Variants in DEAF1 observed in about 807,000 individuals in gnomAD.
DEAF1 encodes the protein deformed epidermal autoregulatory factor 1 homolog.
A neutral mutation model predicts 58.9 loss-of-function variants in DEAF1; 53 were observed. That is an observed-to-expected ratio of 0.90 (90% CI 0.72 to 1.13). The LOEUF (loss-of-function observed/expected upper bound fraction) is 1.13. Ranked by LOEUF, DEAF1 falls within the 50% of genes most tolerant of loss-of-function variation. The pLI, the probability that DEAF1 is intolerant of heterozygous loss-of-function variation, is 0.00. For missense variants in DEAF1, 685 were observed against 791.4 expected, an observed-to-expected ratio of 0.87 and a Z score of 1.61; for synonymous variants, 385 against 340.4, an observed-to-expected ratio of 1.13 and a Z score of -1.44.
At chr11:667,335 AGAAG>A (rs1356882476) in intron 10 of DEAF1, among the ~76,000 whole-genome samples, 2 of 135,460 alleles carry the variant, frequency 1.5e-5, no homozygotes, top group South Asian at 2.7e-4. Context: ...GAAAGAAAAA[AGAAG>A]GAAGGAAGGG....
intron 9 of DEAF1, among the ~76,000 whole-genome samples, chr11:675,131 A>T (rs1032487209): frequency 6.6e-6 from 1 of 151,528 alleles, no homozygotes; most frequent in Non-Finnish European, 1.5e-5. Flanking sequence ...CTTGCAGTGA[A>T]CAGAGATGGC....
Position 694,750 on chromosome 11 carries a change from C to T in DEAF1, c.289+9G>A. 12 of 1,292,158 alleles carry T rather than the reference C, an allele frequency of 9.3e-6. No homozygotes were observed. The highest frequency in any genetic ancestry group is 1.2e-5 in the Non-Finnish European group (12 of 1,024,804). 80.0% of individuals were successfully genotyped at this position (1,292,158 alleles called of 1,614,324 possible). On this transcript the variant is annotated intron_variant, in intron 1 of 11. Transcript: ENST00000382409. ...CCGGACGAGGCGAGAGGCCGGCGGG[C>T]GCACTTGCCTGCGAAGGCTGCGGCA...
rs1860621195 is a variant in DEAF1 at position 686,968 on chromosome 11, C to G, written c.694G>C (p.Glu232Gln). The stretch of plus-strand genomic sequence containing the variant: ...AACTCGGTGGGACTGTACCAGTTCT[C>G]CCCCTGCTTGATGCACCGTCCCCGG... ...GGRGRCIKQG[E>Q]NWYSPTEFEA... Residue 232 changes from glutamate to glutamine, a missense_variant, in exon 5 of 12, where the codon GAG (glutamate) becomes CAG (glutamine). By Grantham distance (29) the Glu-to-Gln change is conservative (BLOSUM62 2). This residue lies in a region of DEAF1 where 132 missense variants were observed against 234.3 expected (regional missense o/e 0.56). Transcript: ENST00000382409. The G allele has an allele frequency of 6.2e-7, 1 of 1,614,212 alleles. No individual in the cohort carries two copies. Among genetic ancestry groups the G allele is most frequent in the Non-Finnish European group, 8.5e-7 (1 of 1,180,040 alleles).
intron 10 of DEAF1, among the ~76,000 whole-genome samples, chr11:667,165 G>A (rs1349394220): frequency 1.3e-5 from 2 of 151,964 alleles, no homozygotes; most frequent in African/African-American, 4.8e-5. Flanking sequence ...TGAAACCCCA[G>A]CTAAAAATTG....
chr11:654,688 G>T (rs1858962536), intron 10 of DEAF1: 1 of 451,812 alleles, frequency 2.2e-6, no homozygotes, highest in Non-Finnish European at 4.5e-6. Flanking sequence ...AGGCAACGTT[G>T]CGAAACCCAG....
chr11:654,182 T>A, intron 10 of DEAF1, 131 bp from the exon 11 acceptor site: 1 of 719,592 alleles, frequency 1.4e-6, no homozygotes, highest in Non-Finnish European at 2.3e-6. Context: ...TTTTTTTTTT[T>A]TTTTGAGATG....
In DEAF1 at chr11:681,023, G is replaced by A; in HGVS notation, c.937C>T (p.Pro313Ser). ...TTCTTGGGGGAGTCCTTCTTCACGG[G>A]AGTTGTGGGCAGTTCATTCTCCTTC... ...RKKENELPTT[P>S]VKKDSPKNIT... The change falls in exon 7 of 12, where the codon CCC (proline) becomes TCC (serine). Residue 313 changes from proline (P) to serine (S), a missense_variant. Pro to Ser is a moderately conservative substitution (Grantham distance 74). Around this residue, in one of 3 missense-constraint regions of DEAF1, gnomAD observed 343 missense variants for 379.8 expected, o/e 0.90. Transcript: ENST00000382409. The A allele has an allele frequency of 6.2e-7, 1 of 1,614,154 alleles. No homozygotes were observed. Among genetic ancestry groups the A allele is most frequent in the Non-Finnish European group, 8.5e-7 (1 of 1,180,032 alleles).
chr11:682,079 T>C (rs1415041690), intron 6 of DEAF1, among the ~76,000 whole-genome samples: 1 of 152,240 alleles, frequency 6.6e-6, no homozygotes, highest in African/African-American at 2.4e-5. Flanking sequence ...TTACTGAGCC[T>C]GTTCTCCTGG....
chr11:668,361 T>C (rs1859651011), intron 10 of DEAF1, among the ~76,000 whole-genome samples: 1 of 152,200 alleles, frequency 6.6e-6, no homozygotes, highest in African/African-American at 2.4e-5. Flanking sequence ...AAAACTCTTT[T>C]CAAGTGTATA....
In DEAF1 at chr11:661,398, A is replaced by AT. The variant is rs530845985; in HGVS notation, c.1504-7348dup. 4.4e-3 allele frequency among the ~76,000 whole-genome samples: 633 copies of AT among 145,510 alleles called. 1 individual carries two copies. Among genetic ancestry groups the AT allele is most frequent in the African/African-American group, 8.4e-3 (337 of 39,886 alleles). ...AATAGCTTCAGCTGGGCTACATTTG[A>AT]TTTTTTTTTTTTTTAAATTCCAGAT... On this transcript the variant is annotated intron_variant, in intron 10 of 11. Transcript: ENST00000382409.
chr11:690,602 C>T (rs73407113), intron 2 of DEAF1, among the ~76,000 whole-genome samples: 28,638 of 151,798 alleles, frequency 0.19, 3,541 homozygotes, highest in African/African-American at 0.36. Flanking sequence ...AAAAATTAGC[C>T]TGGCATGGTG....
At chr11:651,226 C>A in intron 11 of DEAF1, 1 of 162,552 alleles carries the variant, frequency 6.2e-6, no homozygotes, top group Non-Finnish European at 1.3e-5. Context: ...TCCCAAAGTG[C>A]TGGGATGACA....
intron 2 of DEAF1, among the ~76,000 whole-genome samples, chr11:691,192 T>A (rs141700401): frequency 6.6e-5 from 10 of 152,336 alleles, no homozygotes; most frequent in African/African-American, 2.4e-4. Context: ...GGGCCGGGCC[T>A]CGGGCAGAGG....
At chr11:680,011 G>GACCAGGATT in intron 7 of DEAF1, 195 bp from the exon 8 acceptor site, 1 of 673,696 alleles carries the variant, frequency 1.5e-6, no homozygotes, top group South Asian at 1.9e-5. Context: ...AAACCAGGAT[G>GACCAGGATT]GCCAGGATGG....
chr11:700,993 G>C, intron 1 of DEAF1: 1 of 484,400 alleles, frequency 2.1e-6, no homozygotes. Context: ...GAAAAGCCCA[G>C]CCCACCACCA....
chr11:684,595 G>A (rs952639578), intron 6 of DEAF1, among the ~76,000 whole-genome samples: 2 of 152,194 alleles, frequency 1.3e-5, no homozygotes, highest in Non-Finnish European at 2.9e-5. Flanking sequence ...AAGGAAAAGC[G>A]TGTATGTTTA....
At chr11:653,894 G>A in intron 11 of DEAF1, 68 bp downstream of exon 11, 1 of 1,434,204 alleles carries the variant, frequency 7.0e-7, no homozygotes. Flanking sequence ...GGGGAGGGAG[G>A]GCCACCCAGG....
At chr11:671,130 A>C (rs1039543196) in intron 10 of DEAF1, among the ~76,000 whole-genome samples, 7 of 151,518 alleles carry the variant, frequency 4.6e-5, no homozygotes, top group African/African-American at 1.5e-4. Context: ...GGGTTTCACC[A>C]TGTTAGCCAG....
intron 5 of DEAF1, among the ~76,000 whole-genome samples, chr11:685,330 C>T (rs986237714): frequency 5.9e-5 from 9 of 152,046 alleles, no homozygotes; most frequent in Admixed American, 3.9e-4. Context: ...GCAATCTGCC[C>T]GCCTCGGCCT....
Sources: allele counts gnomAD v4.1 joint callset (sites outside exome capture counted in the v4.1 genomes callset), GRCh38; gene constraint gnomAD v4.1.1; regional missense constraint gnomAD v4.1.1; transcripts MANE v1.5; gene names NCBI Gene and HGNC (gene_info 2026-07-23, HGNC 2026-07-21).